MAD1L1: variants seen among roughly 807,000 people sequenced by gnomAD.
The protein encoded by MAD1L1 is mitotic spindle assembly checkpoint protein MAD1.
Under a neutral mutation model 96.9 loss-of-function variants are expected in MAD1L1, and 95 were observed. The ratio of observed to expected loss-of-function variants is 0.98; its 90% CI spans 0.83 to 1.16. The LOEUF (loss-of-function observed/expected upper bound fraction) is 1.16. MAD1L1 is among the 50% of genes most tolerant of loss of function. MAD1L1 has a pLI of 0.00. For missense variants in MAD1L1, 1,007 were observed against 954.4 expected, an observed-to-expected ratio of 1.06 and a Z score of -0.73; for synonymous variants, 473 against 396.6, an observed-to-expected ratio of 1.19 and a Z score of -2.29.
At chr7:2,143,558 C>T (rs1789147844) in intron 11 of MAD1L1, among the ~76,000 whole-genome samples, 1 of 151,762 alleles carries the variant, frequency 6.6e-6, no homozygotes. Flanking sequence ...GTGATATCCA[C>T]TCATCACACC....
At chr7:1,903,085 A>G (rs1323832775) in intron 17 of MAD1L1, among the ~76,000 whole-genome samples, 2 of 150,458 alleles carry the variant, frequency 1.3e-5, no homozygotes, top group Non-Finnish European at 3.0e-5. Context: ...TGATTAATGA[A>G]GCACTGTTCC....
intron 18 of MAD1L1, among the ~76,000 whole-genome samples, chr7:1,859,664 C>T (rs1784423375): frequency 6.6e-6 from 1 of 152,174 alleles, no homozygotes; most frequent in African/African-American, 2.4e-5. Context: ...CCAGGCACAG[C>T]CCCAGCCCCT....
chr7:1,821,584 C>A (rs1287043957), intron 18 of MAD1L1, among the ~76,000 whole-genome samples: 1 of 152,056 alleles, frequency 6.6e-6, no homozygotes, highest in Non-Finnish European at 1.5e-5. Flanking sequence ...AGTATCACAC[C>A]CTGACCAAGT....
chr7:1,839,224 C>T (rs13234214), intron 18 of MAD1L1, among the ~76,000 whole-genome samples: 59,313 of 151,728 alleles, frequency 0.39, 11,971 homozygotes, highest in Admixed American at 0.52. Flanking sequence ...GGTGGGAGGG[C>T]GGGGCTAGGT....
At chr7:1,965,238 T>C (rs1780113488) in intron 15 of MAD1L1, among the ~76,000 whole-genome samples, 1 of 152,158 alleles carries the variant, frequency 6.6e-6, no homozygotes, top group South Asian at 2.1e-4. Context: ...GGGGCCCAGC[T>C]TAACCCAACA....
intron 11 of MAD1L1, chr7:2,089,177 G>C (rs1252998029): frequency 8.5e-5 from 13 of 152,292 alleles, no homozygotes; most frequent in Admixed American, 7.8e-4. Context: ...TCTGTGGCCA[G>C]TCCCAGGCAC....
At chr7:2,052,148 C>T (rs1411070959) in intron 12 of MAD1L1, among the ~76,000 whole-genome samples, 1 of 152,130 alleles carries the variant, frequency 6.6e-6, no homozygotes, top group African/African-American at 2.4e-5. Context: ...CTCAGAGAAG[C>T]GAGAGCAGGA....
intron 10 of MAD1L1, among the ~76,000 whole-genome samples, chr7:2,184,459 A>G (rs1167795892): frequency 6.6e-6 from 1 of 152,180 alleles, no homozygotes; most frequent in African/African-American, 2.4e-5. Context: ...TCCAGGTAGG[A>G]GCATAAAATC....
chr7:2,226,918 C>T (rs1164928234), intron 3 of MAD1L1, among the ~76,000 whole-genome samples: 3 of 151,218 alleles, frequency 2.0e-5, no homozygotes, highest in African/African-American at 4.9e-5. Flanking sequence ...ACCCAGGAGG[C>T]GAAGGTTGCA....
chr7:1,834,304 A>C (rs1263734328), intron 18 of MAD1L1, among the ~76,000 whole-genome samples: 4 of 152,236 alleles, frequency 2.6e-5, no homozygotes, highest in Admixed American at 2.6e-4. Context: ...AAGCAGAAGA[A>C]AGAAAATAAA....
intron 10 of MAD1L1, among the ~76,000 whole-genome samples, chr7:2,183,867 C>T (rs568922575): frequency 4.6e-5 from 7 of 151,534 alleles, no homozygotes; most frequent in South Asian, 2.1e-4. Flanking sequence ...CAAACCTGCA[C>T]GTTGTGCACA....
chr7:1,902,497 C>T (rs1207079719), intron 17 of MAD1L1, among the ~76,000 whole-genome samples: 1 of 152,218 alleles, frequency 6.6e-6, no homozygotes, highest in East Asian at 1.9e-4. Context: ...ATCCTCTTTA[C>T]TCCTTCGAGT....
chr7:1,885,517 G>C (rs542438395), intron 18 of MAD1L1, among the ~76,000 whole-genome samples: 21 of 152,268 alleles, frequency 1.4e-4, no homozygotes, highest in African/African-American at 5.1e-4. Context: ...CGGTCGGAAG[G>C]GCAGATTTCA....
At chr7:2,014,388 C>T (rs562362890) in intron 13 of MAD1L1, 114 bp downstream of exon 13, 10 of 1,360,080 alleles carry the variant, frequency 7.4e-6, no homozygotes, top group East Asian at 2.5e-5. Context: ...ACCTGCCAGC[C>T]GGGAACTGGG....
In MAD1L1 at chr7:1,904,282, G is replaced by A. The variant is rs1229086778; in HGVS notation, c.1808-5892C>T. The stretch of plus-strand genomic sequence containing the variant: ...AAGCACTGTTCCAGGCAGTGAGGAC[G>A]CAGTGGCCTATGGAAGACGCTCTTG... On this transcript the variant is annotated intron_variant, in intron 17 of 18. Coordinates refer to ENST00000265854, the MANE Select transcript of MAD1L1 (RefSeq NM_001013836.2). Among the ~76,000 whole-genome samples the A allele has an allele frequency of 5.8e-4, 85 of 145,790 alleles. 1 individual carries two copies. The highest frequency in any genetic ancestry group is 1.2e-3 in the Admixed American group (17 of 14,764).
intron 18 of MAD1L1, among the ~76,000 whole-genome samples, chr7:1,829,205 G>C (rs181676581): frequency 6.6e-6 from 1 of 152,352 alleles, no homozygotes; most frequent in East Asian, 1.9e-4. Flanking sequence ...CCCACCTCCA[G>C]GCACCACCCG....
intron 18 of MAD1L1, among the ~76,000 whole-genome samples, chr7:1,883,986 C>A (rs1237515397): frequency 6.6e-6 from 1 of 152,190 alleles, no homozygotes; most frequent in Non-Finnish European, 1.5e-5. Context: ...CCGCAGGCCC[C>A]GCGCTGCACA....
At chr7:2,226,798 T>C (rs1793923802) in intron 3 of MAD1L1, among the ~76,000 whole-genome samples, 1 of 152,158 alleles carries the variant, frequency 6.6e-6, no homozygotes, top group African/African-American at 2.4e-5. Context: ...AAGACCAGCC[T>C]GGCCAACATG....
chr7:1,959,831 G>A (rs780911115), intron 15 of MAD1L1, among the ~76,000 whole-genome samples: 1 of 151,148 alleles, frequency 6.6e-6, no homozygotes, highest in Non-Finnish European at 1.5e-5. Context: ...GGCGGGGCGG[G>A]GCAAATACAC....
Sources: gnomAD v4.1 joint callset for allele counts (sites outside exome capture counted in the v4.1 genomes callset) on GRCh38, gnomAD v4.1.1 for gene constraint, MANE v1.5 for transcripts, NCBI Gene and HGNC (gene_info 2026-07-23, HGNC 2026-07-21) for gene names.